PTPRM: variants seen among roughly 807,000 people sequenced by gnomAD.
PTPRM encodes protein tyrosine phosphatase receptor type M, also known as receptor-type tyrosine-protein phosphatase mu.
Under a neutral mutation model 186.7 loss-of-function variants are expected in PTPRM, and 47 were observed. That is an observed-to-expected ratio of 0.25 (90% CI 0.20 to 0.32). PTPRM has a LOEUF of 0.32. Ranked by LOEUF, PTPRM falls within the 10% of genes least tolerant of loss-of-function variation. The pLI, the probability that PTPRM is intolerant of heterozygous loss-of-function variation, is 1.00. For missense variants in PTPRM, 1,494 were observed against 1,865.0 expected (o/e 0.80, Z 3.66); for synonymous variants, 668 against 674.9 (o/e 0.99, Z 0.16).
intron 4 of PTPRM, 46 bp downstream of exon 4, chr18:7,906,629 A>G: frequency 7.1e-7 from 1 of 1,409,434 alleles, no homozygotes. Context: ...CATTGGGGGC[A>G]TGTTTACATT....
chr18:7,741,413 C>T (rs2040882765), intron 1 of PTPRM: 1 of 152,116 alleles, frequency 6.6e-6, no homozygotes, highest in Non-Finnish European at 1.5e-5. Flanking sequence ...AGCAATGGCC[C>T]AAATGACTTG....
chr18:7,875,855 A>G (rs375823963), intron 2 of PTPRM, among the ~76,000 whole-genome samples: 45 of 152,274 alleles, frequency 3.0e-4, no homozygotes, highest in African/African-American at 9.9e-4. Context: ...TTATGCGAAC[A>G]TGATAGAGTG....
At chr18:8,378,075 G>T (rs556252684) in intron 26 of PTPRM, 190 bp from the exon 27 acceptor site, 2 of 570,126 alleles carry the variant, frequency 3.5e-6, no homozygotes, top group Middle Eastern at 4.7e-4. Flanking sequence ...TATTGGGTCC[G>T]ATTGGTTTTA....
At chr18:7,894,516 G>A (rs954387820) in intron 3 of PTPRM, among the ~76,000 whole-genome samples, 1 of 151,968 alleles carries the variant, frequency 6.6e-6, no homozygotes, top group Non-Finnish European at 1.5e-5. Context: ...AACCTGGCAG[G>A]CAGAGCTTGC....
intron 2 of PTPRM, among the ~76,000 whole-genome samples, chr18:7,858,772 T>C (rs2047209050): frequency 6.6e-6 from 1 of 152,212 alleles, no homozygotes; most frequent in Admixed American, 6.5e-5. Context: ...GCTATATCCT[T>C]GTTCCATCTA....
chr18:7,836,294 T>G (rs181676403), intron 2 of PTPRM, among the ~76,000 whole-genome samples: 46 of 152,262 alleles, frequency 3.0e-4, no homozygotes, highest in Admixed American at 2.7e-3. Flanking sequence ...CCATCAGGGT[T>G]GCAAATACTA....
At chr18:8,223,540 T>G (rs2094178497) in intron 14 of PTPRM, among the ~76,000 whole-genome samples, 1 of 152,196 alleles carries the variant, frequency 6.6e-6, no homozygotes, top group South Asian at 2.1e-4. Context: ...GGCCGAATGC[T>G]CTCCTTGTGA....
intron 1 of PTPRM, among the ~76,000 whole-genome samples, chr18:7,706,617 A>AAC (rs2040097419): frequency 6.7e-6 from 1 of 149,458 alleles, no homozygotes; most frequent in African/African-American, 2.5e-5. Flanking sequence ...AAAAAAAAAA[A>AAC]AAAAAAAAAA....
chr18:7,924,983 T>A (rs1471958295), intron 4 of PTPRM, among the ~76,000 whole-genome samples: 1 of 152,188 alleles, frequency 6.6e-6, no homozygotes, highest in Non-Finnish European at 1.5e-5. Flanking sequence ...TACCCATAAG[T>A]GTTCCCCATC....
At chr18:8,281,965 A>C (rs1287270595) in intron 19 of PTPRM, among the ~76,000 whole-genome samples, 1 of 152,188 alleles carries the variant, frequency 6.6e-6, no homozygotes, top group Non-Finnish European at 1.5e-5. Context: ...CTTCATTAAA[A>C]TTTAAAACTC....
At chr18:8,119,732 T>G (rs1308342651) in intron 13 of PTPRM, among the ~76,000 whole-genome samples, 1 of 152,092 alleles carries the variant, frequency 6.6e-6, no homozygotes, top group Non-Finnish European at 1.5e-5. Context: ...CAAAATGCAG[T>G]TAGGTAAATG....
rs192287120 is a variant in PTPRM at position 8,071,411 on chromosome 18, C to G, written c.1441+1417C>G. On this transcript the variant is annotated intron_variant, in intron 8 of 32. Transcript: ENST00000580170. ...TATGCTGAAATTTCTATAATTGTTT[C>G]TACCTTTTCTTTGTGGTTCCAGCCT... Among the ~76,000 whole-genome samples, 4 of 152,242 alleles carry G rather than the reference C, an allele frequency of 2.6e-5. No homozygotes were observed. In the East Asian group the frequency reaches 7.7e-4, roughly 29 times the overall value.
At position 7,652,335 on chromosome 18, in the gene PTPRM, G is replaced by A. The variant is rs1379893755; in HGVS notation, c.73+84444G>A. Among the ~76,000 whole-genome samples, 9 of 152,196 alleles carry A rather than the reference G, an allele frequency of 5.9e-5. No homozygotes were observed. The South Asian group carries it at 1.9e-3, about 32-fold the overall frequency. ...GTAAACTAGTTCAACCATTGTGGAA[G>A]TCAGTGTGGCGATTCCTCAGGGATC... On this transcript the variant is annotated intron_variant, in intron 1 of 32. Transcript: ENST00000580170.
chr18:7,877,791 A>G (rs2048318253), intron 2 of PTPRM, among the ~76,000 whole-genome samples: 1 of 152,138 alleles, frequency 6.6e-6, no homozygotes, highest in Non-Finnish European at 1.5e-5. Flanking sequence ...CTTTAGTCCA[A>G]TTCTTTCACA....
rs151173949 is a variant in PTPRM, at chr18:7,848,294, A to T, written c.197-39812A>T. Among the ~76,000 whole-genome samples the T allele has an allele frequency of 3.1e-3, 470 of 152,260 alleles. 1 individual carries two copies. Among genetic ancestry groups the T allele is most frequent in the African/African-American group, 0.011 (450 of 41,552 alleles). On this transcript the variant is annotated intron_variant, in intron 2 of 32. Transcript: ENST00000580170. The stretch of plus-strand genomic sequence containing the variant: ...GAGATTGGCCAGGCAGCTGTAAGAG[A>T]TTTTGTCTTTCTGTAGTCAAATAAA...
intron 2 of PTPRM, among the ~76,000 whole-genome samples, chr18:7,805,252 T>C (rs1335005061): frequency 6.6e-6 from 1 of 152,200 alleles, no homozygotes; most frequent in Non-Finnish European, 1.5e-5. Flanking sequence ...ACTTAACATC[T>C]CTTAAACCGC....
intron 2 of PTPRM, among the ~76,000 whole-genome samples, chr18:7,818,218 G>A (rs564169758): frequency 6.6e-6 from 1 of 152,116 alleles, no homozygotes; most frequent in East Asian, 1.9e-4. Context: ...TTTTTCCGAC[G>A]AGTCTTGTAT....
intron 1 of PTPRM, among the ~76,000 whole-genome samples, chr18:7,638,874 C>T: frequency 6.6e-6 from 1 of 152,162 alleles, no homozygotes; most frequent in East Asian, 1.9e-4. Context: ...GGACATATTT[C>T]ATTACGACAC....
Position 8,289,502 on chromosome 18 carries a change from A to G in PTPRM, c.2755-6866A>G, listed in dbSNP as rs552112931. ...TGTATATATATACATATATGTATAT[A>G]TGTGTGTGTATGTATATATATACAT... On this transcript the variant is annotated intron_variant, in intron 19 of 32. Coordinates refer to ENST00000580170, the MANE Select transcript of PTPRM (RefSeq NM_001105244.2). Among the ~76,000 whole-genome samples the G allele has an allele frequency of 5.4e-4, 68 of 126,108 alleles. 2 individuals carry two copies. The highest frequency in any genetic ancestry group is 6.2e-4 in the East Asian group (3 of 4,844). 82.7% of individuals were successfully genotyped at this position (126,108 alleles called of 152,430 possible). A position where few individuals can be genotyped will look rare whatever the true frequency, so the allele number is the denominator to read the frequency against.
Sources: allele counts gnomAD v4.1 joint callset (sites outside exome capture counted in the v4.1 genomes callset), GRCh38; gene constraint gnomAD v4.1.1; transcripts MANE v1.5; gene names NCBI Gene and HGNC (gene_info 2026-07-23, HGNC 2026-07-21).